CCDC179: variants seen among roughly 807,000 people sequenced by gnomAD.
The protein encoded by CCDC179 is coiled-coil domain-containing protein 179.
A neutral mutation model predicts 12.0 loss-of-function variants in CCDC179; 17 were observed. That is an observed-to-expected ratio of 1.42 (90% CI 0.97 to 2.13). The LOEUF is 2.13. Ranked by LOEUF, CCDC179 falls within the 30% of genes most tolerant of loss-of-function variation. CCDC179 has a pLI of 0.00. For missense variants in CCDC179, 83 were observed against 78.6 expected, an observed-to-expected ratio of 1.06 and a Z score of -0.21; for synonymous variants, 27 against 26.4, an observed-to-expected ratio of 1.02 and a Z score of -0.07.
rs578027837 is a variant in CCDC179 at position 22,857,829 on chromosome 11, A to G, written c.195+93T>C. On this transcript the variant is annotated intron_variant, in intron 3 of 3. Coordinates refer to ENST00000532798, the MANE Select transcript of CCDC179 (RefSeq NM_001195637.2). ...AGAAATTTCTCAAAGAGAAAGGGAA[A>G]AAGAAAATTTATAGTGAATATTACA... 8.2e-6 allele frequency: 5 copies of G among 610,842 alleles called. No individual in the cohort carries two copies. The South Asian group carries it at 2.0e-4, about 25-fold the overall frequency. 37.8% of individuals were successfully genotyped at this position (610,842 alleles called of 1,614,324 possible).
At chr11:22,851,551 A>T (rs1858404429) in intron 3 of CCDC179, among the ~76,000 whole-genome samples, 1 of 152,208 alleles carries the variant, frequency 6.6e-6, no homozygotes, top group Admixed American at 6.5e-5. Context: ...AGCCTGACAT[A>T]TAAAGAGCTT....
chr11:22,851,409 A>G (rs1271357304), intron 3 of CCDC179, among the ~76,000 whole-genome samples: 5 of 152,196 alleles, frequency 3.3e-5, no homozygotes, highest in Admixed American at 1.3e-4. Context: ...ACTTTCTTCC[A>G]TGCTAATGGT....
intron 3 of CCDC179, among the ~76,000 whole-genome samples, chr11:22,848,903 A>G (rs1858302953): frequency 6.6e-6 from 1 of 152,216 alleles, no homozygotes; most frequent in Non-Finnish European, 1.5e-5. Flanking sequence ...TACTGTGATG[A>G]CATTATGAGC....
rs553703838 is a variant in CCDC179 at position 22,847,216 on chromosome 11, A to G, written c.*294T>C. Reference sequence around the variant, plus strand: ...TCATAAAACATTTGCAAAAATTTAAATGAGAATAATATTTTTCAAAAGTCT... The same window carrying G: ...TCATAAAACATTTGCAAAAATTTAAGTGAGAATAATATTTTTCAAAAGTCT... On this transcript the variant is annotated 3_prime_UTR_variant, in exon 4 of 4. Coordinates refer to ENST00000532798, the MANE Select transcript of CCDC179 (RefSeq NM_001195637.2). 9 of 237,390 alleles carry G rather than the reference A, an allele frequency of 3.8e-5. 1 individual carries two copies. In the East Asian group the frequency reaches 7.1e-4, roughly 19 times the overall value. 14.7% of individuals were successfully genotyped at this position (237,390 alleles called of 1,614,324 possible).
At chr11:22,848,775 G>A (rs945180321) in intron 3 of CCDC179, among the ~76,000 whole-genome samples, 11 of 152,180 alleles carry the variant, frequency 7.2e-5, no homozygotes, top group Non-Finnish European at 5.9e-5. Flanking sequence ...AATTAACAAA[G>A]ATTAAAGCAG....
At chr11:22,851,528 A>G (rs1858403657) in intron 3 of CCDC179, among the ~76,000 whole-genome samples, 2 of 152,222 alleles carry the variant, frequency 1.3e-5, no homozygotes, top group Non-Finnish European at 2.9e-5. Flanking sequence ...AAGAAATTTA[A>G]GTGGAGCTTT....
chr11:22,849,152 T>G (rs1055882434), intron 3 of CCDC179, among the ~76,000 whole-genome samples: 1 of 152,106 alleles, frequency 6.6e-6, no homozygotes, highest in Non-Finnish European at 1.5e-5. Context: ...TTTAGTATAG[T>G]TTTTTCGAAC....
intron 3 of CCDC179, among the ~76,000 whole-genome samples, chr11:22,850,020 T>C (rs1398232113): frequency 6.6e-6 from 1 of 152,132 alleles, no homozygotes. Context: ...CACTCAGGTA[T>C]GATGTTTACA....
chr11:22,855,382 A>G (rs1320685862), intron 3 of CCDC179, among the ~76,000 whole-genome samples: 1 of 151,658 alleles, frequency 6.6e-6, no homozygotes, highest in Non-Finnish European at 1.5e-5. Flanking sequence ...TAAACTGGAA[A>G]CCAATAACAA....
At chr11:22,860,327 G>A in intron 1 of CCDC179, 50 bp downstream of exon 1, 2 of 1,524,986 alleles carry the variant, frequency 1.3e-6, no homozygotes, top group Non-Finnish European at 8.8e-7. Context: ...TGGAGCTCAA[G>A]GCACAGGACA....
At chr11:22,855,215 G>A (rs1177564925) in intron 3 of CCDC179, among the ~76,000 whole-genome samples, 1 of 151,616 alleles carries the variant, frequency 6.6e-6, no homozygotes, top group East Asian at 1.9e-4. Flanking sequence ...GGATTTAATT[G>A]ACATTAATAG....
intron 3 of CCDC179, among the ~76,000 whole-genome samples, chr11:22,856,784 AAAAC>A (rs1332179355): frequency 4.6e-5 from 7 of 151,736 alleles, no homozygotes; most frequent in South Asian, 2.1e-4. Context: ...ATAACAATAA[AAAAC>A]AAACAAAAAA....
chr11:22,855,581 T>G (rs1197259104), intron 3 of CCDC179, among the ~76,000 whole-genome samples: 1 of 151,532 alleles, frequency 6.6e-6, no homozygotes, highest in Non-Finnish European at 1.5e-5. Context: ...AGCATTAAAT[T>G]AATATATTAG....
intron 3 of CCDC179, among the ~76,000 whole-genome samples, chr11:22,849,222 C>G (rs772533206): frequency 6.6e-6 from 1 of 152,184 alleles, no homozygotes; most frequent in Non-Finnish European, 1.5e-5. Flanking sequence ...TATGAGTTAT[C>G]AGAGCCTTTA....
intron 1 of CCDC179, among the ~76,000 whole-genome samples, chr11:22,860,087 C>T (rs1056614088): frequency 3.3e-5 from 5 of 152,222 alleles, no homozygotes. Context: ...CTTTATCCTG[C>T]TCCCTACTTC....
chr11:22,858,154 C>T lies in CCDC179; in HGVS notation c.91-128G>A, dbSNP rs2134851368. ...CCACCACTGCAAACGGTTCACATAA[C>T]TACATAGAAATAGGGCGAAAAATCT... On this transcript the variant is annotated intron_variant, in intron 2 of 3. Coordinates refer to ENST00000532798, the MANE Select transcript of CCDC179 (RefSeq NM_001195637.2). 5 of 546,990 alleles carry T rather than the reference C, an allele frequency of 9.1e-6. No individual in the cohort carries two copies. The South Asian group carries it at 1.4e-4, about 15-fold the overall frequency. 33.9% of individuals were successfully genotyped at this position (546,990 alleles called of 1,614,324 possible).
chr11:22,853,708 G>A (rs1056530025), intron 3 of CCDC179, among the ~76,000 whole-genome samples: 2 of 151,178 alleles, frequency 1.3e-5, no homozygotes, highest in African/African-American at 2.4e-5. Context: ...GGAAGAGGAA[G>A]AAGAAGAAAG....
chr11:22,847,344 GAGCCTGT>G lies in CCDC179; in HGVS notation c.*159_*165del. ...AGAGATGGCATTTAATAAAATTCTA[GAGCCTGT>G]AGCTTGGATATTAAATACTTGCACT... is the stretch of plus-strand genomic sequence containing the variant. On this transcript the variant is annotated 3_prime_UTR_variant, in exon 4 of 4. Coordinates refer to ENST00000532798, the MANE Select transcript of CCDC179 (RefSeq NM_001195637.2). The G allele has an allele frequency of 2.6e-6, 1 of 391,052 alleles. No homozygotes were observed. Among genetic ancestry groups the G allele is most frequent in the South Asian group, 1.2e-4 (1 of 8,364 alleles). The allele number at this position is 391,052 out of a possible 1,614,324, so 24.2% of individuals were successfully genotyped here. A position where few individuals can be genotyped will look rare whatever the true frequency, so the allele number is the denominator to read the frequency against.
intron 2 of CCDC179, among the ~76,000 whole-genome samples, chr11:22,858,628 T>C (rs1044171000): frequency 2.6e-5 from 4 of 152,050 alleles, no homozygotes; most frequent in Admixed American, 1.3e-4. Flanking sequence ...TAACAGAATA[T>C]AAACTTGAAC....
Sources: allele counts gnomAD v4.1 joint callset (sites outside exome capture counted in the v4.1 genomes callset), GRCh38; gene constraint gnomAD v4.1.1; transcripts MANE v1.5; gene names NCBI Gene and HGNC (gene_info 2026-07-23, HGNC 2026-07-21).